Variants in WNT5A observed in about 807,000 individuals in gnomAD.
The protein encoded by WNT5A is protein Wnt-5a.
A neutral mutation model predicts 42.1 loss-of-function variants in WNT5A; 9 were observed. That is an observed-to-expected ratio of 0.21 (90% CI 0.13 to 0.37). The LOEUF (loss-of-function observed/expected upper bound fraction) is 0.37. WNT5A is among the 10% of genes least tolerant of loss of function. The pLI is 1.00. For synonymous variants in WNT5A, 210 were observed against 210.0 expected, an observed-to-expected ratio of 1.00 and a Z score of 0.00; for missense variants, 426 against 534.0, an observed-to-expected ratio of 0.80 and a Z score of 1.99.
At chr3:55,480,110 G>A (rs989139703) in intron 2 of WNT5A, among the ~76,000 whole-genome samples, 5 of 152,122 alleles carry the variant, frequency 3.3e-5, no homozygotes, top group African/African-American at 1.2e-4. Flanking sequence ...AGGGACCCAA[G>A]ACAGGGTACC....
At chr3:55,488,526 T>C (rs897944878), upstream of WNT5A, among the ~76,000 whole-genome samples, 1 of 151,872 alleles carries the variant, frequency 6.6e-6, no homozygotes, top group Non-Finnish European at 1.5e-5. Context: ...AACTCAACTT[T>C]GCTATGCGCA....
chr3:55,470,033 C>T lies in WNT5A; in HGVS notation c.*59G>A, dbSNP rs973604044. ...TTCTAAAAACCAAAAACCAGAATCA[C>T]TGTACTTTCTATAAATAAGCGGGTC... On this transcript the variant is annotated 3_prime_UTR_variant, in exon 5 of 5. Coordinates refer to ENST00000264634, the MANE Select transcript of WNT5A (RefSeq NM_003392.7). The T allele has an allele frequency of 8.1e-6, 13 of 1,603,646 alleles. No homozygotes were observed. The highest frequency in any genetic ancestry group is 1.1e-5 in the Non-Finnish European group (13 of 1,171,356).
rs1052997621 is a variant in WNT5A, at chr3:55,474,558, G to A, written c.463C>T (p.Arg155Cys). 5 of 1,518,348 alleles carry A rather than the reference G, an allele frequency of 3.3e-6. No homozygotes were observed. Among genetic ancestry groups the A allele is most frequent in the East Asian group, 2.4e-5 (1 of 40,872 alleles). The allele number at this position is 1,518,348 out of a possible 1,614,324, so 94.1% of individuals were successfully genotyped here. Residue 155 changes from arginine to cysteine, a missense_variant, in exon 4 of 5, where the codon CGC (arginine) becomes TGC (cysteine). Coordinates refer to ENST00000264634, the MANE Select transcript of WNT5A (RefSeq NM_003392.7). Reference sequence around the variant, plus strand: ...CCGCAGGTGGACAGCTCGCCCTCGCGGCACGCCCGGCTCATGGCGTTCACC... The same window carrying A: ...CCGCAGGTGGACAGCTCGCCCTCGCAGCACGCCCGGCTCATGGCGTTCACC... Reference protein sequence around the residue: ...GVVNAMSRACREGELSTCGCS... With the variant: ...GVVNAMSRACCEGELSTCGCS...
chr3:55,477,433 C>T (rs1435583116), intron 3 of WNT5A, among the ~76,000 whole-genome samples: 1 of 152,066 alleles, frequency 6.6e-6, no homozygotes, highest in Non-Finnish European at 1.5e-5. Context: ...GGGGAGGATG[C>T]CATATGTGCT....
chr3:55,478,582 C>T (rs2051398563), intron 3 of WNT5A, among the ~76,000 whole-genome samples: 1 of 152,114 alleles, frequency 6.6e-6, no homozygotes, highest in African/African-American at 2.4e-5. Context: ...AAATCTTTGC[C>T]TTTAGCCCAT....
chr3:55,465,795 C>A lies in WNT5A; in HGVS notation c.*4297G>T, dbSNP rs2051133021. 6.6e-6 allele frequency: 1 copy of A among 152,218 alleles called. No individual in the cohort carries two copies. Among genetic ancestry groups the A allele is most frequent in the Admixed American group, 6.5e-5 (1 of 15,288 alleles). The allele number at this position is 152,218 out of a possible 1,614,324, so 9.4% of individuals were successfully genotyped here. A position where few individuals can be genotyped will look rare whatever the true frequency, so the allele number is the denominator to read the frequency against. On this transcript the variant is annotated 3_prime_UTR_variant, in exon 5 of 5. Coordinates refer to ENST00000264634, the MANE Select transcript of WNT5A (RefSeq NM_003392.7). ...AATCTTTATCTCATTTCTAGCCCAG[C>A]AAATTGTACACTGCATATAAAAATG...
upstream of WNT5A, among the ~76,000 whole-genome samples, chr3:55,493,507 A>G: frequency 6.6e-6 from 1 of 152,282 alleles, no homozygotes; most frequent in East Asian, 1.9e-4. Flanking sequence ...TTTTATTTAC[A>G]AGTATATTTG....
intron 1 of WNT5A, among the ~76,000 whole-genome samples, chr3:55,482,316 C>G (rs1272524030): frequency 6.6e-6 from 1 of 152,156 alleles, no homozygotes; most frequent in African/African-American, 2.4e-5. Flanking sequence ...TAGGCGGCGG[C>G]GGAGCGAGTA....
chr3:55,489,567 G>T (rs2051636245), upstream of WNT5A, among the ~76,000 whole-genome samples: 1 of 151,948 alleles, frequency 6.6e-6, no homozygotes, highest in African/African-American at 2.4e-5. Flanking sequence ...CCTTCCTGGC[G>T]CGCAAAGATG....
At chr3:55,481,971 G>A (rs939136843) in intron 1 of WNT5A, among the ~76,000 whole-genome samples, 3 of 152,222 alleles carry the variant, frequency 2.0e-5, no homozygotes, top group African/African-American at 7.2e-5. Context: ...GTTTCCCTTG[G>A]TCCTGATCTG....
At chr3:55,494,390 T>G (rs1340661319), upstream of WNT5A, among the ~76,000 whole-genome samples, 1 of 152,080 alleles carries the variant, frequency 6.6e-6, no homozygotes, top group African/African-American at 2.4e-5. Flanking sequence ...AAGTGGAGTG[T>G]TTTCAAAGTT....
intron 3 of WNT5A, among the ~76,000 whole-genome samples, chr3:55,476,937 GA>G (rs1294511127): frequency 6.6e-6 from 1 of 152,176 alleles, no homozygotes; most frequent in Non-Finnish European, 1.5e-5. Context: ...TGAAAAATGA[GA>G]AACTCTCCAA....
chr3:55,472,062 T>C (rs762390725), intron 4 of WNT5A, among the ~76,000 whole-genome samples: 19 of 152,192 alleles, frequency 1.2e-4, no homozygotes, highest in Non-Finnish European at 2.5e-4. Context: ...AATATGATTT[T>C]CTGGCACAGT....
In WNT5A at chr3:55,486,970, G is replaced by T; in HGVS notation, c.6+10C>A. 5 of 1,610,034 alleles carry T rather than the reference G, an allele frequency of 3.1e-6. No homozygotes were observed. Among genetic ancestry groups the T allele is most frequent in the South Asian group, 2.2e-5 (2 of 90,920 alleles). On this transcript the variant is annotated intron_variant, in intron 1 of 4. Transcript: ENST00000264634. ...TAAAGAAAAAAAGTGGCAGCGCACT[G>T]AACACCTACCTTCATGGCGAGGGGG...
At chr3:55,492,011 C>A (rs1238832940), upstream of WNT5A, among the ~76,000 whole-genome samples, 5 of 152,220 alleles carry the variant, frequency 3.3e-5, no homozygotes, top group Non-Finnish European at 5.9e-5. Context: ...AATTAGAGGA[C>A]ATTTTTGGAT....
At position 55,483,456 on chromosome 3, in the gene WNT5A, A is replaced by T. The variant is rs1306504901; in HGVS notation, c.7-2538T>A. ...GTAAAACATCCCCGCCTGTTTACCAAGAGATCAGATCCGAAAAGACAGTAT... is the reference window on the plus strand; with the variant it reads ...GTAAAACATCCCCGCCTGTTTACCATGAGATCAGATCCGAAAAGACAGTAT... On this transcript the variant is annotated intron_variant, in intron 1 of 4. Transcript: ENST00000264634. The surrounding 1 kb of genome is among the most constrained non-coding windows in gnomAD (Gnocchi z 4.2). 1.3e-5 allele frequency among the ~76,000 whole-genome samples: 2 copies of T among 152,236 alleles called. No individual in the cohort carries two copies. Among genetic ancestry groups the T allele is most frequent in the Non-Finnish European group, 2.9e-5 (2 of 68,044 alleles).
chr3:55,495,535 G>A (rs2051706669), upstream of WNT5A, among the ~76,000 whole-genome samples: 1 of 152,088 alleles, frequency 6.6e-6, no homozygotes, highest in Non-Finnish European at 1.5e-5. Flanking sequence ...TTTTAAGACT[G>A]AATAGTATTC....
intron 1 of WNT5A, 58 bp downstream of exon 1, chr3:55,486,922 T>G: frequency 3.6e-6 from 5 of 1,401,578 alleles, no homozygotes; most frequent in Non-Finnish European, 5.0e-6. Context: ...CTCAGTTAAC[T>G]TCCAACAGGG....
Position 55,470,173 on chromosome 3 carries a change from G to A in WNT5A, c.1062C>T (p.Arg354=), listed in dbSNP as rs2051219149. 4 of 1,614,088 alleles carry A rather than the reference G, an allele frequency of 2.5e-6. No individual in the cohort carries two copies. The Middle Eastern group carries it at 4.9e-4, about 200-fold the overall frequency. ...AGCACCAGTGGAACTTGCAGTGGCAGCGCTCCGTCTGCACGGTCTTGAACT... is the reference window on the plus strand; with the variant it reads ...AGCACCAGTGGAACTTGCAGTGGCAACGCTCCGTCTGCACGGTCTTGAACT... ...YDQFKTVQTE[R]CHCKFHWCCY... Residue 354 remains arginine (R), a synonymous_variant, in exon 5 of 5, where the codon CGC becomes CGT. Transcript: ENST00000264634.
Sources: gnomAD v4.1 joint callset for allele counts (sites outside exome capture counted in the v4.1 genomes callset) on GRCh38, gnomAD v4.1.1 for gene constraint, Gnocchi (gnomAD v3.1) non-coding constraint, MANE v1.5 for transcripts, NCBI Gene and HGNC (gene_info 2026-07-23, HGNC 2026-07-21) for gene names.